Variants in ZBTB7C observed in about 807,000 individuals in gnomAD.
ZBTB7C encodes zinc finger and BTB domain containing 7C.
Under a neutral mutation model 25.7 loss-of-function variants are expected in ZBTB7C, and 8 were observed. The observed-to-expected ratio is 0.31, with a 90% CI of 0.18 to 0.56. ZBTB7C has a LOEUF of 0.56. Ranked by LOEUF, ZBTB7C falls within the 20% of genes least tolerant of loss-of-function variation. The probability of loss-of-function intolerance (pLI) is 0.91; values close to 1 mark genes in which losing one functional copy is unlikely to be tolerated. For synonymous variants in ZBTB7C, 394 were observed against 369.0 expected (o/e 1.07, Z -0.78); for missense variants, 824 against 855.2 (o/e 0.96, Z 0.46).
intron 2 of ZBTB7C, among the ~76,000 whole-genome samples, chr18:48,263,061 G>C (rs1340173897): frequency 6.6e-6 from 1 of 152,196 alleles, no homozygotes; most frequent in African/African-American, 2.4e-5. Context: ...GGCCTAGAGT[G>C]GCCCCAGCTC....
At chr18:48,279,794 G>T (rs2044778000) in intron 2 of ZBTB7C, among the ~76,000 whole-genome samples, 2 of 152,160 alleles carry the variant, frequency 1.3e-5, no homozygotes, top group South Asian at 2.1e-4. Flanking sequence ...AGAGAGCAGG[G>T]GAAGCACTGA....
intron 2 of ZBTB7C, among the ~76,000 whole-genome samples, chr18:48,305,537 A>G (rs1598830359): frequency 6.6e-6 from 1 of 152,222 alleles, no homozygotes; most frequent in Non-Finnish European, 1.5e-5. Context: ...CACGTCAGAC[A>G]TACTAGGAGG....
chr18:48,302,277 G>T (rs1296439205), intron 2 of ZBTB7C, among the ~76,000 whole-genome samples: 1 of 152,174 alleles, frequency 6.6e-6, no homozygotes, highest in Non-Finnish European at 1.5e-5. Context: ...AGAGGATAGG[G>T]CTGTCAGATA....
intron 3 of ZBTB7C, among the ~76,000 whole-genome samples, chr18:48,062,357 G>A (rs2037159326): frequency 6.6e-6 from 1 of 152,024 alleles, no homozygotes. Context: ...CTGGAAGCAT[G>A]AGTCACGCTT....
chr18:48,341,399 A>AAAGC (rs1317517635), intron 1 of ZBTB7C, among the ~76,000 whole-genome samples: 3 of 152,234 alleles, frequency 2.0e-5, no homozygotes, highest in African/African-American at 7.2e-5. Flanking sequence ...TAGCTGCAGA[A>AAAGC]AAGCAGCCTC....
intron 2 of ZBTB7C, among the ~76,000 whole-genome samples, chr18:48,217,065 C>A (rs1354682047): frequency 1.1e-4 from 16 of 152,280 alleles, no homozygotes; most frequent in Non-Finnish European, 4.4e-5. Context: ...CTGCCAGCAG[C>A]CCTCCAGAAG....
intron 3 of ZBTB7C, among the ~76,000 whole-genome samples, chr18:48,135,937 A>G (rs2144799893): frequency 6.6e-6 from 1 of 152,344 alleles, no homozygotes; most frequent in African/African-American, 2.4e-5. Flanking sequence ...AAAAGAAAGA[A>G]GGCAGCCGCC....
At chr18:48,330,855 A>G (rs2046327866) in intron 2 of ZBTB7C, among the ~76,000 whole-genome samples, 1 of 152,146 alleles carries the variant, frequency 6.6e-6, no homozygotes, top group African/African-American at 2.4e-5. Flanking sequence ...CCCCAAAGTC[A>G]GATAGCATTG....
chr18:48,245,103 TACACACAC>T lies in ZBTB7C; in HGVS notation c.-78-59116_-78-59109del, dbSNP rs1555723399. Among the ~76,000 whole-genome samples, 16 of 144,568 alleles carry T rather than the reference TACACACAC, an allele frequency of 1.1e-4. 1 individual carries two copies. The South Asian group carries it at 1.3e-3, about 12-fold the overall frequency. The allele number at this position is 144,568 out of a possible 152,430, so 94.8% of individuals were successfully genotyped here. On this transcript the variant is annotated intron_variant, in intron 2 of 4. Coordinates refer to ENST00000590800, the MANE Select transcript of ZBTB7C (RefSeq NM_001318841.2). ...TAGTGTGTGTGTGTGTATATATATA[TACACACAC>T]ACACACACACACCATGGAATACTAT...
At chr18:48,032,315 C>G (rs564366126) in intron 4 of ZBTB7C, among the ~76,000 whole-genome samples, 185 of 151,042 alleles carry the variant, frequency 1.2e-3, no homozygotes, top group African/African-American at 4.4e-3. Flanking sequence ...CGGGCCTTCA[C>G]CATGTTGGTC....
intron 2 of ZBTB7C, among the ~76,000 whole-genome samples, chr18:48,322,352 G>A (rs911987232): frequency 2.6e-5 from 4 of 152,146 alleles, no homozygotes; most frequent in African/African-American, 9.7e-5. Flanking sequence ...CCCCTCCCAA[G>A]TCTGGGACAA....
intron 2 of ZBTB7C, among the ~76,000 whole-genome samples, chr18:48,186,449 T>C (rs914273163): frequency 2.0e-5 from 3 of 152,136 alleles, no homozygotes; most frequent in Non-Finnish European, 2.9e-5. Flanking sequence ...AATAACACAA[T>C]GGTAATTGCA....
chr18:48,235,769 T>A (rs2043363564), intron 2 of ZBTB7C, among the ~76,000 whole-genome samples: 1 of 152,210 alleles, frequency 6.6e-6, no homozygotes, highest in Non-Finnish European at 1.5e-5. Context: ...GTCTTCTAGC[T>A]GCCAAAGTTG....
chr18:48,065,543 T>A (rs1361281536), intron 3 of ZBTB7C, among the ~76,000 whole-genome samples: 2 of 152,174 alleles, frequency 1.3e-5, no homozygotes, highest in Non-Finnish European at 1.5e-5. Flanking sequence ...TTTTCAGTCA[T>A]GGAATTTGCA....
intron 2 of ZBTB7C, among the ~76,000 whole-genome samples, chr18:48,285,909 G>A (rs2045033803): frequency 6.6e-6 from 1 of 152,132 alleles, no homozygotes; most frequent in African/African-American, 2.4e-5. Context: ...CTGATGACTA[G>A]AGTGTCTATG....
chr18:48,179,061 G>A (rs910054987), intron 3 of ZBTB7C, among the ~76,000 whole-genome samples: 3 of 152,202 alleles, frequency 2.0e-5, no homozygotes, highest in Non-Finnish European at 2.9e-5. Context: ...CTGCCTTGCC[G>A]TTTCCTTGGA....
At chr18:48,134,973 C>T (rs867066827) in intron 3 of ZBTB7C, among the ~76,000 whole-genome samples, 1 of 152,212 alleles carries the variant, frequency 6.6e-6, no homozygotes, top group African/African-American at 2.4e-5. Flanking sequence ...AGCATGGAGA[C>T]TCCAGTCATT....
chr18:48,286,224 A>G (rs12966244), intron 2 of ZBTB7C, among the ~76,000 whole-genome samples: 65,659 of 144,170 alleles, frequency 0.46, 15,068 homozygotes, highest in Non-Finnish European at 0.53. Flanking sequence ...TTGTCAGAGA[A>G]GAGGTGTGCG....
intron 3 of ZBTB7C, chr18:48,148,549 G>A (rs1162543545): frequency 6.6e-6 from 1 of 152,152 alleles, no homozygotes; most frequent in Admixed American, 6.5e-5. Flanking sequence ...CCTGGTACCT[G>A]GCTTACAGTG....
Sources: allele counts gnomAD v4.1 joint callset (sites outside exome capture counted in the v4.1 genomes callset), GRCh38; gene constraint gnomAD v4.1.1; transcripts MANE v1.5; gene names NCBI Gene and HGNC (gene_info 2026-07-23, HGNC 2026-07-21).